Variants in RBFOX1 observed in about 807,000 individuals in gnomAD.
The protein encoded by RBFOX1 is RNA binding fox-1 homolog 1, also known as RNA binding protein fox-1 homolog 1.
RBFOX1 carries 8 observed loss-of-function variants against 57.7 expected under a neutral mutation model. The ratio of observed to expected loss-of-function variants is 0.14; its 90% confidence interval spans 0.08 to 0.25. The LOEUF is 0.25. RBFOX1 is among the 10% of genes least tolerant of loss of function. The pLI, the probability that RBFOX1 is intolerant of heterozygous loss-of-function variation, is 1.00. For synonymous variants in RBFOX1, 326 were observed against 222.4 expected, an observed-to-expected ratio of 1.47 and a Z score of -4.15; for missense variants, 611 against 548.5, an observed-to-expected ratio of 1.11 and a Z score of -1.14.
intron 4 of RBFOX1, among the ~76,000 whole-genome samples, chr16:7,184,656 G>T (rs544831933): frequency 6.8e-6 from 1 of 146,158 alleles, no homozygotes. Context: ...GATCACATGG[G>T]TATACCTAAA....
At chr16:5,890,278 T>G (rs2058015174) in intron 4 of RBFOX1, among the ~76,000 whole-genome samples, 1 of 152,216 alleles carries the variant, frequency 6.6e-6, no homozygotes, top group Non-Finnish European at 1.5e-5. Context: ...TAGCAGACAC[T>G]GGGCAAGGTG....
At chr16:6,954,984 A>T (rs1364004897) in intron 3 of RBFOX1, among the ~76,000 whole-genome samples, 1 of 151,778 alleles carries the variant, frequency 6.6e-6, no homozygotes, top group Non-Finnish European at 1.5e-5. Flanking sequence ...TAATCTGAGT[A>T]CTTTGGGAGA....
At chr16:6,630,320 A>T (rs1464355399) in intron 2 of RBFOX1, among the ~76,000 whole-genome samples, 1 of 152,162 alleles carries the variant, frequency 6.6e-6, no homozygotes, top group Non-Finnish European at 1.5e-5. Flanking sequence ...AGAAGACATT[A>T]ATTTCAAAAT....
At chr16:5,820,703 C>A (rs143973113) in intron 3 of RBFOX1, among the ~76,000 whole-genome samples, 3 of 152,142 alleles carry the variant, frequency 2.0e-5, no homozygotes, top group Non-Finnish European at 4.4e-5. Flanking sequence ...ATTGTTGGGA[C>A]GCGACTCCAG....
intron 4 of RBFOX1, among the ~76,000 whole-genome samples, chr16:5,993,508 C>G (rs889543596): frequency 6.6e-6 from 1 of 152,000 alleles, no homozygotes; most frequent in Non-Finnish European, 1.5e-5. Context: ...GAAAATACAG[C>G]CAAGTCTGTA....
intron 1 of RBFOX1, among the ~76,000 whole-genome samples, chr16:5,323,280 C>T (rs1219340352): frequency 3.9e-5 from 6 of 152,154 alleles, no homozygotes; most frequent in Admixed American, 6.5e-5. Context: ...TTACTATGGG[C>T]GATGCACATT....
chr16:6,995,896 C>A (rs909703035), intron 3 of RBFOX1, among the ~76,000 whole-genome samples: 1 of 152,198 alleles, frequency 6.6e-6, no homozygotes, highest in South Asian at 2.1e-4. Flanking sequence ...TATGTTTGAA[C>A]CATAAATTTA....
intron 3 of RBFOX1, among the ~76,000 whole-genome samples, chr16:5,834,832 A>G (rs1038160331): frequency 6.6e-6 from 1 of 152,014 alleles, no homozygotes; most frequent in Non-Finnish European, 1.5e-5. Flanking sequence ...ACAGACAGAC[A>G]GACAGATTTC....
intron 1 of RBFOX1, among the ~76,000 whole-genome samples, chr16:6,142,114 C>T (rs972653829): frequency 1.4e-5 from 2 of 141,320 alleles, no homozygotes; most frequent in Non-Finnish European, 3.0e-5. Flanking sequence ...TCTTACTTCT[C>T]GATCCCTGAT....
At chr16:6,561,705 C>G (rs2097181413) in intron 2 of RBFOX1, among the ~76,000 whole-genome samples, 2 of 152,050 alleles carry the variant, frequency 1.3e-5, no homozygotes, top group African/African-American at 4.8e-5. Flanking sequence ...TGGAAGATTG[C>G]TAATGACACC....
intron 2 of RBFOX1, among the ~76,000 whole-genome samples, chr16:6,534,582 T>C (rs1385662912): frequency 1.3e-5 from 2 of 152,158 alleles, no homozygotes; most frequent in Admixed American, 6.6e-5. Flanking sequence ...ACCAAATGTT[T>C]AGTAAATATT....
Position 5,946,632 on chromosome 16 carries a change from G to C in RBFOX1, c.351+79297G>C, listed in dbSNP as rs1485556847. On this transcript the variant is annotated intron_variant, in intron 4 of 19. Coordinates refer to the RBFOX1 transcript ENST00000641259. The surrounding 1 kb of genome is among the most constrained non-coding windows in gnomAD (Gnocchi z 4.6). ...AGTAATTTCCTAAATTCTGTGAGCCGTGCTAGGCAACTATTGAACCAGAGA... is the reference window on the plus strand; with the variant it reads ...AGTAATTTCCTAAATTCTGTGAGCCCTGCTAGGCAACTATTGAACCAGAGA... Among the ~76,000 whole-genome samples, 1 of 152,132 alleles carries C rather than the reference G, an allele frequency of 6.6e-6. No individual in the cohort carries two copies. The highest frequency in any genetic ancestry group is 2.4e-5 in the African/African-American group (1 of 41,432).
At position 5,970,716 on chromosome 16, in the gene RBFOX1, A is replaced by G. The variant is rs547793552; in HGVS notation, c.351+103381A>G. On this transcript the variant is annotated intron_variant, in intron 4 of 19. Coordinates refer to the RBFOX1 transcript ENST00000641259. ...GAGGTCTTTCTTTTCCTTCTTTTAG[A>G]GAAAGGACCCTGCGAAATTGACTGA... is the stretch of plus-strand genomic sequence containing the variant. Among the ~76,000 whole-genome samples, 328 of 152,326 alleles carry G rather than the reference A, an allele frequency of 2.2e-3. 2 individuals carry two copies. Among genetic ancestry groups the G allele is most frequent in the African/African-American group, 7.3e-3 (302 of 41,568 alleles).
rs760991325 is a variant in RBFOX1, at chr16:5,946,941, G to C, written c.351+79606G>C. Among the ~76,000 whole-genome samples the C allele has an allele frequency of 7.9e-5, 12 of 152,220 alleles. No individual in the cohort carries two copies. Among genetic ancestry groups the C allele is most frequent in the Non-Finnish European group, 1.8e-4 (12 of 68,032 alleles). On this transcript the variant is annotated intron_variant, in intron 4 of 19. Coordinates refer to the RBFOX1 transcript ENST00000641259. The surrounding 1 kb of genome is among the most constrained non-coding windows in gnomAD (Gnocchi z 4.6). ...CTCTGTTAGAAGAAAGGCCAGAGCA[G>C]TGGCTCACAGCCGTAATCCTAGCAC...
chr16:7,570,042 A>G (rs1467386519), intron 5 of RBFOX1, among the ~76,000 whole-genome samples: 1 of 152,206 alleles, frequency 6.6e-6, no homozygotes, highest in African/African-American at 2.4e-5. Flanking sequence ...GAGATGTGTA[A>G]AATACAAGAT....
intron 5 of RBFOX1, among the ~76,000 whole-genome samples, chr16:7,537,980 A>G (rs1000581989): frequency 7.7e-4 from 117 of 152,328 alleles, no homozygotes; most frequent in African/African-American, 2.5e-3. Flanking sequence ...ATCAACACCT[A>G]CTGTGTGCCA....
At chr16:5,963,314 T>C (rs2059786087) in intron 4 of RBFOX1, among the ~76,000 whole-genome samples, 2 of 152,194 alleles carry the variant, frequency 1.3e-5, no homozygotes, top group Admixed American at 6.5e-5. Flanking sequence ...AGAGCAGTTA[T>C]CATTCCCACC....
chr16:6,816,831 A>G (rs190319498), intron 3 of RBFOX1, among the ~76,000 whole-genome samples: 1 of 151,938 alleles, frequency 6.6e-6, no homozygotes, highest in Non-Finnish European at 1.5e-5. Flanking sequence ...TGCAGTCTCA[A>G]ACTCCTGGGC....
At chr16:6,118,897 TC>T (rs964961852) in intron 1 of RBFOX1, among the ~76,000 whole-genome samples, 52 of 152,020 alleles carry the variant, frequency 3.4e-4, no homozygotes, top group African/African-American at 1.2e-3. Flanking sequence ...CCTAATCATC[TC>T]CCAATACCAT....
Sources: allele counts gnomAD v4.1 joint callset (sites outside exome capture counted in the v4.1 genomes callset), GRCh38; gene constraint gnomAD v4.1.1; non-coding constraint Gnocchi (gnomAD v3.1); transcripts MANE v1.5; gene names NCBI Gene and HGNC (gene_info 2026-07-23, HGNC 2026-07-21).